ARB2A: variants seen among roughly 807,000 people sequenced by gnomAD.
The protein encoded by ARB2A is cotranscriptional regulator ARB2A.
At chr5:93,797,571 C>T in the ARB2A span, among the ~76,000 whole-genome samples, 2 of 152,052 alleles carry the variant, frequency 1.3e-5, no homozygotes, top group Non-Finnish European at 2.9e-5. Context: ...GTCAGTAGTT[C>T]ACTAATTTAG....
At chr5:94,060,736 A>G in the ARB2A span, among the ~76,000 whole-genome samples, 1 of 152,184 alleles carries the variant, frequency 6.6e-6, no homozygotes, top group Non-Finnish European at 1.5e-5. Context: ...CAATATCTCT[A>G]ATGGACCTGG....
the ARB2A span, among the ~76,000 whole-genome samples, chr5:93,888,258 AC>A: frequency 6.6e-6 from 1 of 151,904 alleles, no homozygotes; most frequent in Non-Finnish European, 1.5e-5. Context: ...ATGATTTAAT[AC>A]CATAGTTTTG....
At chr5:93,893,374 A>G in the ARB2A span, among the ~76,000 whole-genome samples, 1 of 152,154 alleles carries the variant, frequency 6.6e-6, no homozygotes, top group Non-Finnish European at 1.5e-5. Context: ...GCATACACAC[A>G]TACAATTACT....
chr5:93,849,374 A>G, the ARB2A span, among the ~76,000 whole-genome samples: 2 of 152,198 alleles, frequency 1.3e-5, no homozygotes, highest in Non-Finnish European at 2.9e-5. Flanking sequence ...AAAAGATGAG[A>G]TTATTATTGC....
At chr5:93,958,757 A>C in the ARB2A span, 17,493 of 1,472,394 alleles carry the variant, frequency 0.012, 101 homozygotes, top group Non-Finnish European at 0.015. Context: ...AAAAAAAAAA[A>C]CCCAGGAAAT....
the ARB2A span, among the ~76,000 whole-genome samples, chr5:94,059,569 C>T: frequency 5.5e-5 from 7 of 127,178 alleles, no homozygotes; most frequent in African/African-American, 2.1e-4. Context: ...TGCAGTGAGC[C>T]GAGATCACAC....
At chr5:93,798,258 G>C in the ARB2A span, among the ~76,000 whole-genome samples, 1 of 152,006 alleles carries the variant, frequency 6.6e-6, no homozygotes, top group Non-Finnish European at 1.5e-5. Flanking sequence ...GAAAAGCAAG[G>C]CTTCCCTAAG....
chr5:93,872,301 C>T, the ARB2A span, among the ~76,000 whole-genome samples: 1 of 152,070 alleles, frequency 6.6e-6, no homozygotes, highest in Non-Finnish European at 1.5e-5. Flanking sequence ...TTATAAAAGT[C>T]TAACAGATAT....
the ARB2A span, among the ~76,000 whole-genome samples, chr5:94,064,318 A>G: frequency 1.3e-5 from 2 of 152,178 alleles, no homozygotes; most frequent in South Asian, 4.1e-4. Flanking sequence ...ATAAAGAAAA[A>G]ACAATGAGCA....
the ARB2A span, among the ~76,000 whole-genome samples, chr5:93,988,885 G>GTCTGGATTCAAACCTAGGCAA: frequency 2.0e-5 from 3 of 152,102 alleles, no homozygotes; most frequent in Non-Finnish European, 4.4e-5. Context: ...AAGTCATGAA[G>GTCTGGATTCAAACCTAGGCAA]TCTGGATTCA....
the ARB2A span, among the ~76,000 whole-genome samples, chr5:93,916,297 G>A: frequency 1.8e-4 from 28 of 151,978 alleles, no homozygotes; most frequent in Non-Finnish European, 2.8e-4. Flanking sequence ...GTGAGAAACA[G>A]AAACTAAGAA....
At chr5:93,864,384 A>G in the ARB2A span, among the ~76,000 whole-genome samples, 2 of 152,158 alleles carry the variant, frequency 1.3e-5, no homozygotes, top group African/African-American at 4.8e-5. Context: ...AATGCTCCTT[A>G]TATGTTTGAT....
chr5:93,947,007 T>A, the ARB2A span, among the ~76,000 whole-genome samples: 1 of 152,220 alleles, frequency 6.6e-6, no homozygotes, highest in Non-Finnish European at 1.5e-5. Context: ...ATATTTTTTC[T>A]CATTTCCTCT....
chr5:93,853,271 T>C, the ARB2A span, among the ~76,000 whole-genome samples: 25 of 152,170 alleles, frequency 1.6e-4, no homozygotes, highest in Admixed American at 4.6e-4. Flanking sequence ...CTGTTATTGG[T>C]GTATAAGAAT....
At chr5:93,672,040 A>AGGTG in the ARB2A span, among the ~76,000 whole-genome samples, 1 of 152,212 alleles carries the variant, frequency 6.6e-6, no homozygotes, top group Non-Finnish European at 1.5e-5. Flanking sequence ...TCCCTTCCAA[A>AGGTG]GGTGGGTCTA....
the ARB2A span, among the ~76,000 whole-genome samples, chr5:94,019,974 T>C: frequency 6.6e-6 from 1 of 152,350 alleles, no homozygotes; most frequent in African/African-American, 2.4e-5. Context: ...CGTATGTTTA[T>C]TGCAGCACTG....
the ARB2A span, among the ~76,000 whole-genome samples, chr5:93,807,641 A>G: frequency 6.6e-6 from 1 of 152,116 alleles, no homozygotes; most frequent in East Asian, 1.9e-4. Context: ...GTTTACATCT[A>G]CGTTTAAGAG....
chr5:93,888,947 C>T, the ARB2A span, among the ~76,000 whole-genome samples: 88 of 151,758 alleles, frequency 5.8e-4, 1 homozygote, highest in Middle Eastern at 3.4e-3. Flanking sequence ...TACTATCTAC[C>T]AAGCACTATG....
the ARB2A span, among the ~76,000 whole-genome samples, chr5:94,100,228 A>G: frequency 6.6e-6 from 1 of 152,198 alleles, no homozygotes; most frequent in East Asian, 1.9e-4. Context: ...GCAGTTAATC[A>G]GGGAGGTGAA....
Sources: gnomAD v4.1 joint callset for allele counts (sites outside exome capture counted in the v4.1 genomes callset) on GRCh38, gnomAD v4.1.1 for gene constraint, MANE v1.5 for transcripts, NCBI Gene and HGNC (gene_info 2026-07-23, HGNC 2026-07-21) for gene names.